Variants in RSU1 observed in about 807,000 individuals in gnomAD.
RSU1 encodes the protein rsu-1.
A neutral mutation model predicts 31.1 loss-of-function variants in RSU1; 26 were observed. The ratio of observed to expected loss-of-function variants is 0.84; its 90% CI spans 0.61 to 1.16. The LOEUF is 1.16. Among genes scored for constraint, RSU1 ranks in the 50% most tolerant of loss-of-function variants. The pLI, the probability that RSU1 is intolerant of heterozygous loss-of-function variation, is 0.00. For missense variants in RSU1, 320 were observed against 339.1 expected (o/e 0.94, Z 0.44); for synonymous variants, 164 against 136.3 (o/e 1.20, Z -1.41).
intron 8 of RSU1, among the ~76,000 whole-genome samples, chr10:16,685,331 T>C (rs1835421602): frequency 6.6e-6 from 1 of 152,138 alleles, no homozygotes; most frequent in African/African-American, 2.4e-5. Flanking sequence ...TAAGAGAGAA[T>C]TCTTGGATCT....
chr10:16,789,420 G>C (rs758085997), intron 2 of RSU1, among the ~76,000 whole-genome samples: 1 of 152,198 alleles, frequency 6.6e-6, no homozygotes, highest in African/African-American at 2.4e-5. Flanking sequence ...CGGGTCTGCA[G>C]GGAAGGCAGT....
intron 8 of RSU1, among the ~76,000 whole-genome samples, chr10:16,690,858 A>G (rs1238717073): frequency 6.6e-6 from 1 of 152,206 alleles, no homozygotes; most frequent in Non-Finnish European, 1.5e-5. Flanking sequence ...GAGGAGGTTC[A>G]TAGGCGTTTT....
intron 2 of RSU1, among the ~76,000 whole-genome samples, chr10:16,814,996 G>T (rs1307956156): frequency 2.6e-5 from 4 of 152,246 alleles, no homozygotes; most frequent in African/African-American, 9.6e-5. Context: ...CTTCTACCTG[G>T]TGAGAATGAG....
intron 3 of RSU1, among the ~76,000 whole-genome samples, chr10:16,778,328 C>A (rs775140993): frequency 1.1e-4 from 16 of 152,104 alleles, no homozygotes; most frequent in Admixed American, 6.6e-5. Flanking sequence ...CAGTTAATCC[C>A]AAAGAAACCA....
At chr10:16,614,041 CA>C (rs927070862) in intron 8 of RSU1, among the ~76,000 whole-genome samples, 1 of 152,132 alleles carries the variant, frequency 6.6e-6, no homozygotes, top group Admixed American at 6.5e-5. Flanking sequence ...AATAAAAGTT[CA>C]AAACATGGGT....
intron 7 of RSU1, among the ~76,000 whole-genome samples, chr10:16,731,648 T>C (rs1836514065): frequency 6.6e-6 from 1 of 152,162 alleles, no homozygotes; most frequent in Non-Finnish European, 1.5e-5. Flanking sequence ...GCACCAAACC[T>C]TTACTATCAC....
intron 7 of RSU1, among the ~76,000 whole-genome samples, chr10:16,746,399 T>C (rs534649321): frequency 6.0e-4 from 92 of 152,272 alleles, no homozygotes; most frequent in South Asian, 2.1e-3. Flanking sequence ...TGATTTTTTT[T>C]CCCTCTTCTC....
chr10:16,705,723 C>G lies in RSU1; in HGVS notation c.599-10568G>C, dbSNP rs141772807. ...CAAGCTGGTCTTGAACTCCTGACCT[C>G]AAATGATCAGCCCACCTCGGCCTCC... is the stretch of plus-strand genomic sequence containing the variant. On this transcript the variant is annotated intron_variant, in intron 7 of 8. Transcript: ENST00000345264. 5.3e-3 allele frequency among the ~76,000 whole-genome samples: 811 copies of G among 152,296 alleles called. 10 individuals are homozygous for G. Among genetic ancestry groups the G allele is most frequent in the African/African-American group, 0.018 (743 of 41,566 alleles).
At chr10:16,782,504 C>T (rs1227252635) in intron 2 of RSU1, among the ~76,000 whole-genome samples, 1 of 152,176 alleles carries the variant, frequency 6.6e-6, no homozygotes, top group Non-Finnish European at 1.5e-5. Context: ...TTTGAAGCCA[C>T]TTCATCCAAA....
At chr10:16,775,695 A>G (rs927814383) in intron 3 of RSU1, among the ~76,000 whole-genome samples, 7 of 152,256 alleles carry the variant, frequency 4.6e-5, no homozygotes, top group Middle Eastern at 6.8e-3. Flanking sequence ...ATCGCAACAC[A>G]TGCCCAACTG....
At chr10:16,727,869 G>C (rs935869142) in intron 7 of RSU1, among the ~76,000 whole-genome samples, 1 of 152,178 alleles carries the variant, frequency 6.6e-6, no homozygotes, top group Non-Finnish European at 1.5e-5. Context: ...GCCAGGCTGT[G>C]GGTAGCCGTG....
At chr10:16,701,185 T>C (rs545098581) in intron 7 of RSU1, among the ~76,000 whole-genome samples, 6 of 152,308 alleles carry the variant, frequency 3.9e-5, no homozygotes, top group African/African-American at 7.2e-5. Context: ...TTAAAGTACA[T>C]TGAAAGGGAA....
intron 8 of RSU1, among the ~76,000 whole-genome samples, chr10:16,607,502 T>C (rs1292950935): frequency 2.0e-5 from 3 of 152,118 alleles, no homozygotes; most frequent in Admixed American, 2.0e-4. Flanking sequence ...AGCAGGGTGA[T>C]TTGCATTTCC....
Position 16,752,982 on chromosome 10 carries a change from T to C in RSU1, c.419A>G (p.Tyr140Cys), listed in dbSNP as rs149666298. 1,194 of 1,613,764 alleles carry C rather than the reference T, an allele frequency of 7.4e-4. No homozygotes were observed. Among genetic ancestry groups the C allele is most frequent in the Non-Finnish European group, 9.6e-4 (1,131 of 1,179,824 alleles). The change falls in exon 6 of 9, where the codon TAT (tyrosine) becomes TGT (cysteine). Residue 140 changes from tyrosine (Y) to cysteine (C), a missense_variant. Transcript: ENST00000345264. Reference protein sequence around the residue: ...FFYLTTLRALYLSDNDFEILP... With the variant: ...FFYLTTLRALCLSDNDFEILP... ...GATTTCAAAATCGTTGTCACTTAGA[T>C]AGAGTGCACGCAGGGTGGCTGCAAA... is the stretch of plus-strand genomic sequence containing the variant.
intron 2 of RSU1, 25 bp downstream of exon 2, chr10:16,816,948 G>C (rs924153327): frequency 4.6e-6 from 7 of 1,514,164 alleles, no homozygotes; most frequent in South Asian, 3.4e-5. Context: ...GCTCATCCAC[G>C]GGAGAGTCCT....
intron 3 of RSU1, among the ~76,000 whole-genome samples, chr10:16,777,345 A>C (rs995199638): frequency 6.6e-6 from 1 of 152,232 alleles, no homozygotes; most frequent in Non-Finnish European, 1.5e-5. Flanking sequence ...TATTGGAGGA[A>C]GAGAAATGTT....
At chr10:16,810,666 A>G (rs1290580356) in intron 2 of RSU1, among the ~76,000 whole-genome samples, 5 of 152,180 alleles carry the variant, frequency 3.3e-5, no homozygotes, top group Admixed American at 6.5e-5. Flanking sequence ...ACCATCACCA[A>G]CGTTTCCAAG....
chr10:16,741,098 C>T (rs534627815), intron 7 of RSU1, among the ~76,000 whole-genome samples: 100 of 152,250 alleles, frequency 6.6e-4, no homozygotes, highest in African/African-American at 2.2e-3. Context: ...GTGTGGTACT[C>T]GCATAAGGAT....
At chr10:16,667,046 AC>A (rs1252918280) in intron 8 of RSU1, among the ~76,000 whole-genome samples, 4 of 151,804 alleles carry the variant, frequency 2.6e-5, no homozygotes, top group Non-Finnish European at 4.4e-5. Flanking sequence ...AACAACAACA[AC>A]AACAACAAAA....
Sources: gnomAD v4.1 joint callset for allele counts (sites outside exome capture counted in the v4.1 genomes callset) on GRCh38, gnomAD v4.1.1 for gene constraint, MANE v1.5 for transcripts, NCBI Gene and HGNC (gene_info 2026-07-23, HGNC 2026-07-21) for gene names.